The following PAPPA variants were observed in gnomAD, a reference collection of about 807,000 sequenced individuals.
The protein encoded by PAPPA is pappalysin-1.
Under a neutral mutation model 164.0 loss-of-function variants are expected in PAPPA, and 60 were observed. That is an observed-to-expected ratio of 0.37 (90% CI 0.30 to 0.45). PAPPA has a LOEUF of 0.45. Ranked by LOEUF, PAPPA falls within the 20% of genes least tolerant of loss-of-function variation. The pLI is 1.00. For missense variants in PAPPA, 1,782 were observed against 2,087.3 expected, an observed-to-expected ratio of 0.85 and a Z score of 2.85; for synonymous variants, 875 against 814.1, an observed-to-expected ratio of 1.07 and a Z score of -1.27.
At chr9:116,301,697 A>C (rs1248338257) in intron 9 of PAPPA, among the ~76,000 whole-genome samples, 1 of 152,218 alleles carries the variant, frequency 6.6e-6, no homozygotes, top group Admixed American at 6.5e-5. Flanking sequence ...AAACAGAAGC[A>C]CTTGCTGTGG....
intron 19 of PAPPA, among the ~76,000 whole-genome samples, chr9:116,377,213 C>CAT (rs2118683241): frequency 6.6e-6 from 1 of 151,876 alleles, no homozygotes; most frequent in African/African-American, 2.4e-5. Context: ...CACATGCGCA[C>CAT]ACACACACAC....
intron 20 of PAPPA, among the ~76,000 whole-genome samples, chr9:116,379,342 G>T (rs1422300351): frequency 6.6e-6 from 1 of 152,172 alleles, no homozygotes; most frequent in Non-Finnish European, 1.5e-5. Context: ...ATAAAGAAAG[G>T]GTTTGGGGAC....
At chr9:116,254,841 G>A (rs750157319) in intron 7 of PAPPA, among the ~76,000 whole-genome samples, 5 of 149,996 alleles carry the variant, frequency 3.3e-5, no homozygotes, top group Non-Finnish European at 5.9e-5. Flanking sequence ...TGACCAAAAC[G>A]TTCCTGGTAG....
intron 10 of PAPPA, among the ~76,000 whole-genome samples, chr9:116,325,135 G>A (rs1238342460): frequency 1.3e-5 from 2 of 152,196 alleles, no homozygotes; most frequent in South Asian, 2.1e-4. Flanking sequence ...AGTAGCAATT[G>A]TGTTGCTTTG....
Position 116,353,697 on chromosome 9 carries a change from A to T in PAPPA, c.4251A>T (p.Pro1417=). The T allele has an allele frequency of 6.2e-7, 1 of 1,613,984 alleles. No homozygotes were observed. The highest frequency in any genetic ancestry group is 2.2e-5 in the East Asian group (1 of 44,864). ...CTTGTGTTCCTGTGACCTGTGACCC[A>T]CCTCCACCAAAATTCCATGGGCTCT... is the stretch of plus-strand genomic sequence containing the variant. ...EGACVPVTCD[P]PPPKFHGLYQ... Residue 1417 remains proline, a synonymous_variant, in exon 17 of 22, where the codon CCA becomes CCT. Coordinates refer to ENST00000328252, the MANE Select transcript of PAPPA (RefSeq NM_002581.5).
At chr9:116,217,383 G>A (rs1844387392) in intron 4 of PAPPA, among the ~76,000 whole-genome samples, 1 of 152,130 alleles carries the variant, frequency 6.6e-6, no homozygotes, top group Non-Finnish European at 1.5e-5. Flanking sequence ...TGTCTGATTA[G>A]TATTCTGTTC....
In PAPPA at chr9:116,300,003, A is replaced by G. The variant is rs1587993481; in HGVS notation, c.2954-2754A>G. Among the ~76,000 whole-genome samples the G allele has an allele frequency of 2.0e-5, 3 of 152,166 alleles. No homozygotes were observed. In the Middle Eastern group the frequency reaches 0.01, roughly 518 times the overall value. ...TGTACCTACTTCTGCCTGATGTCAA[A>G]ACCCTTGCTCTTTTCAGTTCTCTGT... On this transcript the variant is annotated intron_variant, in intron 9 of 21. Coordinates refer to ENST00000328252, the MANE Select transcript of PAPPA (RefSeq NM_002581.5).
At chr9:116,167,351 G>T (rs1843729407) in intron 1 of PAPPA, among the ~76,000 whole-genome samples, 1 of 151,634 alleles carries the variant, frequency 6.6e-6, no homozygotes, top group African/African-American at 2.4e-5. Context: ...GTTGTAATGT[G>T]GTATTGTTTT....
At chr9:116,367,385 G>A (rs1055648380) in intron 18 of PAPPA, among the ~76,000 whole-genome samples, 2 of 152,202 alleles carry the variant, frequency 1.3e-5, no homozygotes, top group Admixed American at 6.5e-5. Flanking sequence ...AGGTGTTTGA[G>A]CAGAGGAGGA....
rs778609488 is a variant in PAPPA, at chr9:116,154,619, C to G, written c.415+32C>G. 3.0e-5 allele frequency: 39 copies of G among 1,296,636 alleles called. No individual in the cohort carries two copies. The African/African-American group carries it at 4.8e-4, about 16-fold the overall frequency. 80.3% of individuals were successfully genotyped at this position (1,296,636 alleles called of 1,614,324 possible). ...GAGGGCGCCTCGGCGGGCGCTGCAC[C>G]GTCCCTGCGGCCCCAGAGGCTCGCG... On this transcript the variant is annotated intron_variant, in intron 1 of 21. Coordinates refer to ENST00000328252, the MANE Select transcript of PAPPA (RefSeq NM_002581.5). The surrounding 1 kb of genome is among the most constrained non-coding windows in gnomAD (Gnocchi z 5.2).
At chr9:116,374,000 C>T (rs79410561) in intron 19 of PAPPA, among the ~76,000 whole-genome samples, 5,354 of 151,622 alleles carry the variant, frequency 0.035, 156 homozygotes, top group South Asian at 0.063. Flanking sequence ...AATTTTGTGC[C>T]GATGAGGATG....
At chr9:116,338,009 T>C (rs1411004534) in intron 13 of PAPPA, among the ~76,000 whole-genome samples, 1 of 152,076 alleles carries the variant, frequency 6.6e-6, no homozygotes, top group Admixed American at 6.6e-5. Context: ...TGATGGGGTG[T>C]GGGGTGGTTA....
intron 21 of PAPPA, among the ~76,000 whole-genome samples, chr9:116,389,913 T>C (rs1369945105): frequency 6.6e-6 from 1 of 152,188 alleles, no homozygotes; most frequent in African/African-American, 2.4e-5. Context: ...CTCTTGATGC[T>C]AGAATGCAGA....
chr9:116,254,690 G>A (rs1390975882), intron 7 of PAPPA, among the ~76,000 whole-genome samples: 1 of 151,032 alleles, frequency 6.6e-6, no homozygotes, highest in Non-Finnish European at 1.5e-5. Context: ...GCTGAGGCAG[G>A]AGAATGGCGT....
chr9:116,324,050 G>A lies in PAPPA; in HGVS notation c.3148-7194G>A, dbSNP rs1845892451. On this transcript the variant is annotated intron_variant, in intron 10 of 21. Coordinates refer to ENST00000328252, the MANE Select transcript of PAPPA (RefSeq NM_002581.5). ...CAGCTTCTATTTCAGGAGCCCCAGG[G>A]AAAGACAACAAGAAGTCCCAAGTCC... 3.3e-5 allele frequency among the ~76,000 whole-genome samples: 5 copies of A among 152,292 alleles called. No homozygotes were observed. In the South Asian group the frequency reaches 1.0e-3, roughly 32 times the overall value.
intron 8 of PAPPA, among the ~76,000 whole-genome samples, chr9:116,268,713 T>TA (rs1845102496): frequency 6.6e-6 from 1 of 152,070 alleles, no homozygotes; most frequent in African/African-American, 2.4e-5. Flanking sequence ...AGTTTTTTTT[T>TA]AGTATTTTTA....
rs147479891 is a variant in PAPPA at position 116,227,493 on chromosome 9, A to G, written c.2174A>G (p.Asn725Ser). The change falls in exon 6 of 22, where the codon AAC becomes AGC. Residue 725 changes from asparagine (N) to serine (S), a missense_variant. Asn to Ser is a conservative substitution (Grantham distance 46). Transcript: ENST00000328252. ...AGAATCCTGGTGCAGTATGCTTCCAACGCTTCCTCCCCAATGCCCTGCAGC... is the reference window on the plus strand; with the variant it reads ...AGAATCCTGGTGCAGTATGCTTCCAGCGCTTCCTCCCCAATGCCCTGCAGC... ...EGRILVQYAS[N>S]ASSPMPCSPS... 4.3e-6 allele frequency: 7 copies of G among 1,614,086 alleles called. No individual in the cohort carries two copies. Among genetic ancestry groups the G allele is most frequent in the Non-Finnish European group, 5.9e-6 (7 of 1,179,976 alleles).
intron 1 of PAPPA, among the ~76,000 whole-genome samples, chr9:116,166,627 A>G (rs1161415345): frequency 3.9e-5 from 6 of 152,214 alleles, no homozygotes; most frequent in South Asian, 2.1e-4. Flanking sequence ...CAGTAATAAC[A>G]GTAATGAAAG....
At chr9:116,315,326 T>C (rs935218958) in intron 10 of PAPPA, among the ~76,000 whole-genome samples, 2 of 152,122 alleles carry the variant, frequency 1.3e-5, no homozygotes, top group Non-Finnish European at 2.9e-5. Context: ...ACTCTGTGCC[T>C]CCATAATCTA....
Sources: gnomAD v4.1 joint callset for allele counts (sites outside exome capture counted in the v4.1 genomes callset) on GRCh38, gnomAD v4.1.1 for gene constraint, Gnocchi (gnomAD v3.1) non-coding constraint, MANE v1.5 for transcripts, NCBI Gene and HGNC (gene_info 2026-07-23, HGNC 2026-07-21) for gene names.